Variants in CCDC148 observed in about 807,000 individuals in gnomAD.
The protein encoded by CCDC148 is coiled-coil domain containing 148.
Under a neutral mutation model 85.7 loss-of-function variants are expected in CCDC148, and 89 were observed. That is an observed-to-expected ratio of 1.04 (90% CI 0.87 to 1.24). The LOEUF (loss-of-function observed/expected upper bound fraction) is 1.24. CCDC148 is among the 50% of genes most tolerant of loss of function. CCDC148 has a pLI of 0.00. For missense variants in CCDC148, 692 were observed against 671.7 expected, an observed-to-expected ratio of 1.03 and a Z score of -0.33; for synonymous variants, 230 against 213.9, an observed-to-expected ratio of 1.08 and a Z score of -0.66.
Position 158,338,920 on chromosome 2 carries a change from A to C in CCDC148, c.583-13T>G, listed in dbSNP as rs757056617. 21 of 1,600,664 alleles carry C rather than the reference A, an allele frequency of 1.3e-5. No individual in the cohort carries two copies. Among genetic ancestry groups the C allele is most frequent in the Non-Finnish European group, 1.8e-5 (21 of 1,175,086 alleles). On this transcript the variant is annotated splice_polypyrimidine_tract_variant and intron_variant, in intron 6 of 13. Coordinates refer to ENST00000283233, the MANE Select transcript of CCDC148 (RefSeq NM_138803.4). ...AATGATCTAGAATCTGAAAAAAAGT[A>C]TATGATTATTTTATTTAACATAAAC... is the stretch of plus-strand genomic sequence containing the variant.
intron 1 of CCDC148, among the ~76,000 whole-genome samples, chr2:158,360,782 T>C (rs1683908196): frequency 6.6e-6 from 1 of 151,984 alleles, no homozygotes; most frequent in South Asian, 2.1e-4. Context: ...CAAAGGATCA[T>C]GACACCTCGT....
At chr2:158,199,650 A>G (rs1436310665) in intron 11 of CCDC148, among the ~76,000 whole-genome samples, 9 of 152,198 alleles carry the variant, frequency 5.9e-5, no homozygotes, top group African/African-American at 2.2e-4. Context: ...ATAAAACTCC[A>G]TTTTATTTTA....
At chr2:158,216,731 G>A (rs1403378115) in intron 11 of CCDC148, among the ~76,000 whole-genome samples, 2 of 152,022 alleles carry the variant, frequency 1.3e-5, no homozygotes, top group Non-Finnish European at 2.9e-5. Context: ...TTCTGGTGAG[G>A]GCTCTCTTTC....
intron 9 of CCDC148, among the ~76,000 whole-genome samples, chr2:158,304,947 GA>G (rs1691612036): frequency 6.6e-6 from 1 of 152,142 alleles, no homozygotes; most frequent in East Asian, 1.9e-4. Flanking sequence ...TGACTTCGCA[GA>G]GCATGAGACT....
At chr2:158,327,528 A>G (rs1230694796) in intron 7 of CCDC148, among the ~76,000 whole-genome samples, 2 of 152,128 alleles carry the variant, frequency 1.3e-5, no homozygotes, top group African/African-American at 4.8e-5. Context: ...TCTGAACCCA[A>G]ATTCATCCAA....
intron 11 of CCDC148, among the ~76,000 whole-genome samples, chr2:158,215,014 T>G (rs573565713): frequency 6.6e-6 from 1 of 152,190 alleles, no homozygotes; most frequent in Non-Finnish European, 1.5e-5. Context: ...TGAACACTTG[T>G]TCTACTAGAT....
At chr2:158,210,846 C>T (rs1297914271) in intron 11 of CCDC148, among the ~76,000 whole-genome samples, 3 of 147,388 alleles carry the variant, frequency 2.0e-5, no homozygotes, top group Non-Finnish European at 4.5e-5. Flanking sequence ...ATAGTCCCAG[C>T]TACTTGGGAG....
At chr2:158,207,492 G>A (rs933124279) in intron 11 of CCDC148, 20 of 152,140 alleles carry the variant, frequency 1.3e-4, no homozygotes, top group African/African-American at 4.3e-4. Context: ...AGGACTCCAG[G>A]CTCTGCTGGT....
At chr2:158,224,871 G>A (rs1312065120) in intron 10 of CCDC148, among the ~76,000 whole-genome samples, 2 of 152,118 alleles carry the variant, frequency 1.3e-5, no homozygotes, top group African/African-American at 4.8e-5. Context: ...AAAGACCATC[G>A]AGGCTAGGAA....
intron 2 of CCDC148, among the ~76,000 whole-genome samples, chr2:158,351,120 A>C (rs73968927): frequency 0.063 from 9,591 of 152,176 alleles, 399 homozygotes; most frequent in East Asian, 0.16. Context: ...CATGGTTTTT[A>C]TTGCAGTTTA....
At chr2:158,287,755 T>C (rs1391354664) in intron 9 of CCDC148, among the ~76,000 whole-genome samples, 1 of 152,198 alleles carries the variant, frequency 6.6e-6, no homozygotes, top group Non-Finnish European at 1.5e-5. Context: ...TGCAAGCTGT[T>C]GGTTGATCTA....
rs145256812 is a variant in CCDC148 at position 158,204,952 on chromosome 2, T to C, written c.1370+15643A>G. On this transcript the variant is annotated intron_variant, in intron 11 of 13. Transcript: ENST00000283233. Reference sequence around the variant, plus strand: ...CAGGGCCCAGCAGTCTGGAGAGGAGTAGGAGGGGCAGGACTCCAGTGAGAG... The same window carrying C: ...CAGGGCCCAGCAGTCTGGAGAGGAGCAGGAGGGGCAGGACTCCAGTGAGAG... Among the ~76,000 whole-genome samples the C allele has an allele frequency of 4.6e-3, 691 of 151,034 alleles. 6 individuals are homozygous for C. Among genetic ancestry groups the C allele is most frequent in the African/African-American group, 0.016 (658 of 41,076 alleles).
chr2:158,424,159 C>T (rs1686953216), intron 1 of CCDC148, among the ~76,000 whole-genome samples: 1 of 152,158 alleles, frequency 6.6e-6, no homozygotes, highest in South Asian at 2.1e-4. Context: ...GTCAGTGTGT[C>T]AATTCCTCAA....
At chr2:158,353,246 T>G in intron 2 of CCDC148, among the ~76,000 whole-genome samples, 1 of 95,650 alleles carries the variant, frequency 1.0e-5, no homozygotes, top group African/African-American at 4.3e-5. Context: ...TAAATGTAAA[T>G]GGACTAAATT....
chr2:158,446,748 T>C (rs1573836432), intron 1 of CCDC148, among the ~76,000 whole-genome samples: 1 of 152,164 alleles, frequency 6.6e-6, no homozygotes, highest in East Asian at 1.9e-4. Context: ...CCAGAAAACA[T>C]TCAGTCATAA....
At chr2:158,439,668 T>C (rs1354254871) in intron 1 of CCDC148, among the ~76,000 whole-genome samples, 1 of 152,068 alleles carries the variant, frequency 6.6e-6, no homozygotes, top group Non-Finnish European at 1.5e-5. Context: ...ACATTAGCCA[T>C]GTATATATGC....
intron 1 of CCDC148, among the ~76,000 whole-genome samples, chr2:158,390,344 G>C (rs910450749): frequency 2.6e-5 from 4 of 152,088 alleles, no homozygotes; most frequent in African/African-American, 7.2e-5. Context: ...GGCCAAATAG[G>C]CCAGGAAGAG....
intron 9 of CCDC148, among the ~76,000 whole-genome samples, chr2:158,263,059 C>T (rs900967123): frequency 2.6e-5 from 4 of 151,930 alleles, no homozygotes; most frequent in Non-Finnish European, 4.4e-5. Context: ...ATCCCCTTGC[C>T]CTCTCTGTCT....
At chr2:158,229,403 T>C (rs1462562563) in intron 10 of CCDC148, among the ~76,000 whole-genome samples, 1 of 152,220 alleles carries the variant, frequency 6.6e-6, no homozygotes, top group Non-Finnish European at 1.5e-5. Flanking sequence ...ACATAGCATG[T>C]ACTTAATAAC....
Sources: gnomAD v4.1 joint callset for allele counts (sites outside exome capture counted in the v4.1 genomes callset) on GRCh38, gnomAD v4.1.1 for gene constraint, MANE v1.5 for transcripts, NCBI Gene and HGNC (gene_info 2026-07-23, HGNC 2026-07-21) for gene names.